The following DUS3L variants were observed in gnomAD, a reference collection of about 807,000 sequenced individuals.
DUS3L encodes dihydrouridine synthase 3 like.
Under a neutral mutation model 74.6 loss-of-function variants are expected in DUS3L, and 62 were observed. The ratio of observed to expected loss-of-function variants is 0.83; its 90% CI spans 0.68 to 1.03. The LOEUF (loss-of-function observed/expected upper bound fraction) is 1.03, where lower values mean the gene tolerates loss of function less well. Among genes scored for constraint, DUS3L ranks in the 50% least tolerant of loss-of-function variants. The pLI is 0.00. For synonymous variants in DUS3L, 433 were observed against 395.7 expected (o/e 1.09, Z -1.12); for missense variants, 884 against 924.4 (o/e 0.96, Z 0.57).
At chr19:5,790,899 C>T in intron 1 of DUS3L, 145 bp downstream of exon 1, 1 of 785,074 alleles carries the variant, frequency 1.3e-6, no homozygotes, top group Non-Finnish European at 2.1e-6. Context: ...CGCTGACCAC[C>T]CTGCAGGCGG....
chr19:5,786,697 T>C, intron 9 of DUS3L, 52 bp downstream of exon 9: 1 of 1,594,360 alleles, frequency 6.3e-7, no homozygotes, highest in Non-Finnish European at 8.5e-7. Context: ...CCCAGAGGTG[T>C]GAGTGACCAA....
intron 1 of DUS3L, 32 bp downstream of exon 1, chr19:5,791,012 C>T (rs1235087526): frequency 1.3e-6 from 2 of 1,565,264 alleles, no homozygotes; most frequent in Non-Finnish European, 1.7e-6. Flanking sequence ...CGGAAAAGGC[C>T]CTTCAGCTTC....
chr19:5,787,482 G>A (rs1172368747), intron 6 of DUS3L, 107 bp downstream of exon 6: 1 of 1,510,648 alleles, frequency 6.6e-7, no homozygotes, highest in South Asian at 1.1e-5. Context: ...GGGACTCCAG[G>A]GCCACACTTG....
chr19:5,789,289 G>C lies in DUS3L; in HGVS notation c.818C>G (p.Thr273Ser). The change falls in exon 3 of 13, where the codon ACC becomes AGC. Residue 273 changes from threonine to serine, a missense_variant. By Grantham distance (58) the Thr-to-Ser change is moderately conservative (BLOSUM62 1). Transcript: ENST00000309061. ...QQVPAGPGTSTPPSSPVRTCG... is the reference protein window; with the variant it reads ...QQVPAGPGTSSPPSSPVRTCG... ...GGTCCGCACGGGGCTGCTGGGAGGG[G>C]TGCTAGTGCCCGGCCCTGCGGGGAC... 6.3e-7 allele frequency: 1 copy of C among 1,598,662 alleles called. No individual in the cohort carries two copies. The highest frequency in any genetic ancestry group is 1.1e-5 in the South Asian group (1 of 89,366).
In DUS3L at chr19:5,785,760, C is replaced by T; in HGVS notation, c.1594G>A (p.Glu532Lys). 1.9e-6 allele frequency: 3 copies of T among 1,608,430 alleles called. No individual in the cohort carries two copies. The highest frequency in any genetic ancestry group is 2.5e-6 in the Non-Finnish European group (3 of 1,178,564). ...TCCCAGTGCCGCTGCTCCTTGATCT[C>T]CGTGAAGAGCCACGGCTTGAGCAGG... Reference protein sequence around the residue: ...GALLKPWLFTEIKEQRHWDIS... With the variant: ...GALLKPWLFTKIKEQRHWDIS... The change falls in exon 11 of 13, where the codon GAG becomes AAG. Residue 532 changes from glutamate (E) to lysine (K), a missense_variant. Glu to Lys is a moderately conservative substitution (Grantham distance 56). Transcript: ENST00000309061.
At chr19:5,785,835 C>T in intron 10 of DUS3L, 44 bp from the exon 11 acceptor site, 1 of 1,514,846 alleles carries the variant, frequency 6.6e-7, no homozygotes, top group Middle Eastern at 2.4e-4. Context: ...ACCAGCCTGC[C>T]TGGGATCGTG....
Position 5,790,141 on chromosome 19 carries a change from T to C in DUS3L, c.293A>G (p.Gln98Arg), listed in dbSNP as rs751632018. The change falls in exon 2 of 13, where the codon CAG (glutamine) becomes CGG (arginine). Residue 98 changes from glutamine to arginine, a missense_variant. By Grantham distance (43) the Gln-to-Arg change is conservative. Coordinates refer to ENST00000309061, the MANE Select transcript of DUS3L (RefSeq NM_020175.3). ...EEAAEPGEQL[Q>R]TQKRARGQNK... Reference sequence around the variant, plus strand: ...TTGTCCCCGGGCCCTCTTCTGAGTCTGTAGCTGCTCCCCGGGCTCTGCTGC... The same window carrying C: ...TTGTCCCCGGGCCCTCTTCTGAGTCCGTAGCTGCTCCCCGGGCTCTGCTGC... 6.8e-6 allele frequency: 11 copies of C among 1,614,196 alleles called. No homozygotes were observed. In the South Asian group the frequency reaches 1.1e-4, roughly 16 times the overall value.
intron 6 of DUS3L, 108 bp from the exon 7 acceptor site, chr19:5,787,469 G>T: frequency 6.6e-7 from 1 of 1,509,732 alleles, no homozygotes; most frequent in Non-Finnish European, 9.1e-7. Flanking sequence ...TGCAGGAAAG[G>T]CAGGGACTCC....
intron 1 of DUS3L, 79 bp downstream of exon 1, chr19:5,790,965 C>A: frequency 7.2e-7 from 1 of 1,387,282 alleles, no homozygotes; most frequent in Non-Finnish European, 9.9e-7. Flanking sequence ...GCTGCCTAAT[C>A]TCCCGGCATG....
At chr19:5,786,588 GA>G in intron 9 of DUS3L, 46 bp from the exon 10 acceptor site, 1 of 1,602,794 alleles carries the variant, frequency 6.2e-7, no homozygotes, top group South Asian at 1.1e-5. Context: ...GGGCAGGTGG[GA>G]CCCTGGAGTT....
intron 1 of DUS3L, 81 bp from the exon 2 acceptor site, chr19:5,790,416 TC>T: frequency 6.5e-7 from 1 of 1,534,634 alleles, no homozygotes; most frequent in Non-Finnish European, 8.9e-7. Flanking sequence ...CACTTGCACG[TC>T]CTTAAATCCT....
intron 8 of DUS3L, 25 bp from the exon 9 acceptor site, chr19:5,786,870 G>C (rs926140731): frequency 6.3e-7 from 1 of 1,590,544 alleles, no homozygotes; most frequent in Non-Finnish European, 8.5e-7. Flanking sequence ...GCCACGCAGG[G>C]TAGGAGGCAG....
rs1375347609 is a variant in DUS3L at position 5,787,465 on chromosome 19, A to C, written c.1213-104T>G. 4 of 1,511,632 alleles carry C rather than the reference A, an allele frequency of 2.6e-6. No homozygotes were observed. In the East Asian group the frequency reaches 9.1e-5, roughly 34 times the overall value. The allele number at this position is 1,511,632 out of a possible 1,614,324, so 93.6% of individuals were successfully genotyped here. A position where few individuals can be genotyped will look rare whatever the true frequency, so the allele number is the denominator to read the frequency against. ...CCACCAGGAGACGCCGACCTGCAGGAAAGGCAGGGACTCCAGGGCCACACT... is the reference window on the plus strand; with the variant it reads ...CCACCAGGAGACGCCGACCTGCAGGCAAGGCAGGGACTCCAGGGCCACACT... On this transcript the variant is annotated intron_variant, in intron 6 of 12. Coordinates refer to ENST00000309061, the MANE Select transcript of DUS3L (RefSeq NM_020175.3).
intron 10 of DUS3L, chr19:5,785,995 G>T: frequency 1.7e-6 from 1 of 603,556 alleles, no homozygotes; most frequent in Non-Finnish European, 2.8e-6. Context: ...TGTCGCCCAG[G>T]CTGGGGTGCA....
At chr19:5,789,138 C>T in intron 3 of DUS3L, 69 bp downstream of exon 3, 2 of 1,491,266 alleles carry the variant, frequency 1.3e-6, no homozygotes, top group Non-Finnish European at 1.8e-6. Context: ...GGAACGTGGA[C>T]ACAGCTGGTA....
At chr19:5,790,740 G>A in intron 1 of DUS3L, 2 of 558,580 alleles carry the variant, frequency 3.6e-6, no homozygotes, top group East Asian at 6.2e-5. Context: ...ACGGCCGCTG[G>A]CAGAGCACAT....
Position 5,787,670 on chromosome 19 carries a change from A to C in DUS3L, c.1131T>G (p.Cys377Trp). Residue 377 changes from cysteine (C) to tryptophan (W), a missense_variant, in exon 6 of 13, where the codon TGT (cysteine) becomes TGG (tryptophan). Coordinates refer to ENST00000309061, the MANE Select transcript of DUS3L (RefSeq NM_020175.3). ...EGAFPDTMTK[C>W]AELLSRTVEV... ...CCACGGTGCGGCTCAGCAGCTCGGC[A>C]CACTTGGTCATGGTGTCGGGGAAGG... 1 of 1,613,762 alleles carries C rather than the reference A, an allele frequency of 6.2e-7. No individual in the cohort carries two copies.
rs1599623546 is a variant in DUS3L, at chr19:5,790,101, G to A, written c.333C>T (p.Pro111=). ...KRARGQNKGR[P]HVKPTNYDKN... is the part of the protein sequence containing the mutation. ...TGTCGTAGTTCGTGGGCTTCACATG[G>A]GGCCGGCCCTTGTTTTGTCCCCGGG... The change falls in exon 2 of 13, where the codon CCC becomes CCT. Residue 111 remains proline (P), a synonymous_variant. Coordinates refer to ENST00000309061, the MANE Select transcript of DUS3L (RefSeq NM_020175.3). The A allele has an allele frequency of 1.2e-6, 2 of 1,614,154 alleles. No homozygotes were observed. Among genetic ancestry groups the A allele is most frequent in the Non-Finnish European group, 1.7e-6 (2 of 1,180,034 alleles).
chr19:5,790,543 C>A (rs1057102851), intron 1 of DUS3L, among the ~76,000 whole-genome samples: 6 of 152,052 alleles, frequency 3.9e-5, no homozygotes, highest in African/African-American at 1.4e-4. Context: ...AAGTGTTGCG[C>A]GAAACTATTA....
Sources: gnomAD v4.1 joint callset for allele counts (sites outside exome capture counted in the v4.1 genomes callset) on GRCh38, gnomAD v4.1.1 for gene constraint, MANE v1.5 for transcripts, NCBI Gene and HGNC (gene_info 2026-07-23, HGNC 2026-07-21) for gene names.